The following KDM2A variants were observed in gnomAD, a reference collection of about 807,000 sequenced individuals.
KDM2A encodes lysine demethylase 2A.
In KDM2A, 3 loss-of-function variants were observed where a neutral mutation model predicts 137.3. The observed-to-expected ratio is 0.02, with a 90% CI of 0.01 to 0.06. The LOEUF is 0.06. Ranked by LOEUF, KDM2A falls within the 10% of genes least tolerant of loss-of-function variation. The pLI, the probability that KDM2A is intolerant of heterozygous loss-of-function variation, is 1.00. For missense variants in KDM2A, 738 were observed against 1,510.6 expected (o/e 0.49, Z 8.48); for synonymous variants, 512 against 541.5 (o/e 0.95, Z 0.76).
chr11:67,247,402 T>C (rs1192392150), intron 15 of KDM2A, among the ~76,000 whole-genome samples: 1 of 147,462 alleles, frequency 6.8e-6, no homozygotes, highest in Non-Finnish European at 1.5e-5. Context: ...ATTCTTAGGA[T>C]ATTTTAACAG....
intron 2 of KDM2A, among the ~76,000 whole-genome samples, chr11:67,146,306 C>A (rs1008134446): frequency 1.3e-5 from 2 of 151,738 alleles, no homozygotes; most frequent in East Asian, 3.9e-4. Context: ...ATTTCTTTAA[C>A]ATTTGATTTT....
chr11:67,232,407 C>G (rs1858743567), intron 12 of KDM2A, among the ~76,000 whole-genome samples: 1 of 152,194 alleles, frequency 6.6e-6, no homozygotes, highest in Non-Finnish European at 1.5e-5. Flanking sequence ...TCAAATTTAT[C>G]TAGCATCAAG....
intron 2 of KDM2A, among the ~76,000 whole-genome samples, chr11:67,164,481 G>T (rs1360020080): frequency 6.0e-5 from 9 of 151,104 alleles, no homozygotes; most frequent in Admixed American, 2.0e-4. Context: ...GCCTTTTTTT[G>T]TTGTTGTTGT....
At chr11:67,226,078 A>G (rs2136415994) in intron 10 of KDM2A, among the ~76,000 whole-genome samples, 1 of 151,768 alleles carries the variant, frequency 6.6e-6, no homozygotes, top group East Asian at 1.9e-4. Flanking sequence ...AAGAGTAAAA[A>G]TAAATAAATA....
intron 2 of KDM2A, among the ~76,000 whole-genome samples, chr11:67,130,206 A>C (rs1855823053): frequency 6.6e-6 from 1 of 151,394 alleles, no homozygotes; most frequent in African/African-American, 2.4e-5. Context: ...CCCAAGAGAG[A>C]GCAGTTTTCT....
At chr11:67,223,732 T>G (rs1858444776) in intron 10 of KDM2A, among the ~76,000 whole-genome samples, 1 of 152,088 alleles carries the variant, frequency 6.6e-6, no homozygotes, top group African/African-American at 2.4e-5. Context: ...TAAACTGTCA[T>G]TATTACTCAG....
At chr11:67,207,718 A>G (rs1565404440) in intron 6 of KDM2A, 30 bp downstream of exon 6, 2 of 1,533,550 alleles carry the variant, frequency 1.3e-6, no homozygotes, top group African/African-American at 1.4e-5. Context: ...TCATATTGTC[A>G]TTGTCACCAA....
chr11:67,240,381 G>A (rs964595000), intron 12 of KDM2A: 2 of 1,532,888 alleles, frequency 1.3e-6, no homozygotes, highest in Admixed American at 4.0e-5. Context: ...TCAGGGGGTC[G>A]ATCGGCAAAC....
chr11:67,189,841 A>C (rs540771258), intron 5 of KDM2A, among the ~76,000 whole-genome samples: 101 of 152,296 alleles, frequency 6.6e-4, no homozygotes, highest in African/African-American at 2.4e-3. Context: ...TCTGTGTCAA[A>C]AAACAAACAA....
rs763061510 is a variant in KDM2A at position 67,252,647 on chromosome 11, C to T, written c.2769-47C>T. On this transcript the variant is annotated intron_variant, in intron 17 of 20. Transcript: ENST00000529006. ...CCATAAGCAGCCTGTGATGGGAGCT[C>T]CACTGATCAAGTTAATGAAGGCGAG... 5 of 1,606,632 alleles carry T rather than the reference C, an allele frequency of 3.1e-6. No homozygotes were observed. In the Admixed American group the frequency reaches 5.0e-5, roughly 16 times the overall value.
intron 5 of KDM2A, among the ~76,000 whole-genome samples, chr11:67,198,220 T>C (rs1302472377): frequency 2.6e-5 from 4 of 152,162 alleles, no homozygotes; most frequent in Admixed American, 2.0e-4. Context: ...CAGTAAATGT[T>C]AGCTATTACT....
chr11:67,172,973 T>A (rs1294645224), intron 2 of KDM2A, among the ~76,000 whole-genome samples: 1 of 152,182 alleles, frequency 6.6e-6, no homozygotes, highest in Non-Finnish European at 1.5e-5. Context: ...ATAGACATAA[T>A]GTGATGCACT....
chr11:67,248,128 C>T (rs1047520848), intron 15 of KDM2A, among the ~76,000 whole-genome samples, 153 bp from the exon 16 acceptor site: 1 of 152,354 alleles, frequency 6.6e-6, no homozygotes, highest in Non-Finnish European at 1.5e-5. Context: ...TCAGGTTCAG[C>T]ACCATTGGCT....
intron 2 of KDM2A, among the ~76,000 whole-genome samples, chr11:67,169,323 G>C (rs2136324119): frequency 6.6e-6 from 1 of 151,028 alleles, no homozygotes; most frequent in East Asian, 1.9e-4. Context: ...TCGTATCACA[G>C]TGTGAGACAT....
chr11:67,189,729 A>G (rs1218739024), intron 5 of KDM2A, among the ~76,000 whole-genome samples: 1 of 152,146 alleles, frequency 6.6e-6, no homozygotes. Flanking sequence ...AGTCCCAGCT[A>G]CTCGGGAGGC....
chr11:67,143,696 G>T (rs538557843), intron 2 of KDM2A, among the ~76,000 whole-genome samples: 42 of 151,708 alleles, frequency 2.8e-4, no homozygotes, highest in Non-Finnish European at 5.3e-4. Flanking sequence ...GCAATGACGC[G>T]ATCTTGGCTC....
At chr11:67,196,986 G>A (rs995514809) in intron 5 of KDM2A, 1 of 152,632 alleles carries the variant, frequency 6.6e-6, no homozygotes, top group Non-Finnish European at 1.5e-5. Flanking sequence ...ATCAGTCTTC[G>A]GTTTTCTTCC....
intron 2 of KDM2A, among the ~76,000 whole-genome samples, chr11:67,172,822 A>C (rs1856906156): frequency 6.6e-6 from 1 of 152,170 alleles, no homozygotes; most frequent in African/African-American, 2.4e-5. Flanking sequence ...GTGGGGAATA[A>C]ACATATCTTT....
intron 2 of KDM2A, among the ~76,000 whole-genome samples, chr11:67,147,745 T>G (rs1467668631): frequency 6.6e-6 from 1 of 151,236 alleles, no homozygotes; most frequent in Non-Finnish European, 1.5e-5. Flanking sequence ...TGGTGCAATC[T>G]CAGCTCACTG....
Sources: allele counts gnomAD v4.1 joint callset (sites outside exome capture counted in the v4.1 genomes callset), GRCh38; gene constraint gnomAD v4.1.1; transcripts MANE v1.5; gene names NCBI Gene and HGNC (gene_info 2026-07-23, HGNC 2026-07-21).